SYTL3: variants seen among roughly 807,000 people sequenced by gnomAD.
The protein encoded by SYTL3 is synaptotagmin-like protein 3.
In SYTL3, 88 loss-of-function variants were observed where a neutral mutation model predicts 82.1. That is an observed-to-expected ratio of 1.07 (90% confidence interval 0.90 to 1.28). The LOEUF (loss-of-function observed/expected upper bound fraction) is 1.28. SYTL3 is among the 50% of genes most tolerant of loss of function. The pLI, the probability that SYTL3 is intolerant of heterozygous loss-of-function variation, is 0.00. For missense variants in SYTL3, 831 were observed against 757.6 expected (o/e 1.10, Z -1.14); for synonymous variants, 311 against 289.4 (o/e 1.07, Z -0.76).
intron 6 of SYTL3, among the ~76,000 whole-genome samples, chr6:158,691,798 C>T (rs1195833226): frequency 6.6e-6 from 1 of 151,004 alleles, no homozygotes; most frequent in African/African-American, 2.4e-5. Flanking sequence ...ACTACGGGCA[C>T]CTGTCACCAC....
intron 14 of SYTL3, among the ~76,000 whole-genome samples, chr6:158,758,492 G>A (rs1475312249): frequency 6.6e-6 from 1 of 151,346 alleles, no homozygotes; most frequent in Non-Finnish European, 1.5e-5. Context: ...AAGGGCCCAC[G>A]GCAGGCCCAG....
chr6:158,660,267 A>AAACAAC (rs201697599), intron 2 of SYTL3, among the ~76,000 whole-genome samples: 2 of 152,140 alleles, frequency 1.3e-5, no homozygotes. Context: ...TCCGTCTCAA[A>AAACAAC]AACAACAACA....
intron 13 of SYTL3, among the ~76,000 whole-genome samples, chr6:158,754,660 C>T (rs975164332): frequency 2.6e-5 from 4 of 152,250 alleles, no homozygotes; most frequent in Non-Finnish European, 4.4e-5. Flanking sequence ...GCGGAGCTTG[C>T]AGTGAGCTGA....
intron 6 of SYTL3, among the ~76,000 whole-genome samples, chr6:158,694,370 G>A (rs950673251): frequency 3.9e-4 from 59 of 151,178 alleles, no homozygotes; most frequent in African/African-American, 9.3e-4. Flanking sequence ...ATATTGGCTC[G>A]CTGCAACCTC....
At chr6:158,749,386 GTCTGA>G (rs1191059390) in intron 12 of SYTL3, among the ~76,000 whole-genome samples, 3 of 76,080 alleles carry the variant, frequency 3.9e-5, no homozygotes, top group Admixed American at 1.7e-4. Flanking sequence ...GTGAGACTCT[GTCTGA>G]AAAAAAAAAA....
At chr6:158,762,286 AT>A in intron 16 of SYTL3, 108 bp downstream of exon 16, 1 of 754,144 alleles carries the variant, frequency 1.3e-6, no homozygotes. Context: ...AAAACGTCTT[AT>A]TTTAGCTTTC....
intron 11 of SYTL3, among the ~76,000 whole-genome samples, chr6:158,730,769 G>C (rs190723795): frequency 2.0e-5 from 3 of 152,214 alleles, no homozygotes; most frequent in African/African-American, 7.2e-5. Context: ...GGAAAGAAAA[G>C]CTGCGGGGCG....
intron 16 of SYTL3, 98 bp downstream of exon 16, chr6:158,762,276 A>T (rs1402336416): frequency 4.8e-6 from 4 of 825,458 alleles, no homozygotes; most frequent in Non-Finnish European, 7.6e-6. Flanking sequence ...TAAGCCACTT[A>T]AAACGTCTTA....
rs934838119 is a variant in SYTL3, at chr6:158,665,630, G to A, written c.329+17G>A. 1.3e-6 allele frequency: 2 copies of A among 1,526,144 alleles called. No individual in the cohort carries two copies. Among genetic ancestry groups the A allele is most frequent in the Non-Finnish European group, 1.8e-6 (2 of 1,128,152 alleles). 94.5% of individuals were successfully genotyped at this position (1,526,144 alleles called of 1,614,324 possible). A position where few individuals can be genotyped will look rare whatever the true frequency, so the allele number is the denominator to read the frequency against. ...CGAGGACAGGTAAGCATGGCCGGTG[G>A]TTGGATCCCTCCCACTGATTCAGGT... On this transcript the variant is annotated intron_variant, in intron 5 of 17. Transcript: ENST00000611299.
chr6:158,692,689 G>A (rs1233852069), intron 6 of SYTL3, among the ~76,000 whole-genome samples: 1 of 151,302 alleles, frequency 6.6e-6, no homozygotes, highest in Non-Finnish European at 1.5e-5. Flanking sequence ...TGTAATCCCA[G>A]CACTTTGGGA....
chr6:158,703,290 G>T (rs1156462568), intron 6 of SYTL3, among the ~76,000 whole-genome samples: 2 of 152,038 alleles, frequency 1.3e-5, no homozygotes, highest in East Asian at 3.9e-4. Flanking sequence ...AGCCCTGGCA[G>T]CCTCAGACCT....
At chr6:158,673,134 TC>T (rs1055471295) in intron 5 of SYTL3, among the ~76,000 whole-genome samples, 7 of 152,110 alleles carry the variant, frequency 4.6e-5, no homozygotes, top group Admixed American at 1.3e-4. Flanking sequence ...TACTATGTTA[TC>T]CAGGCTGGTC....
At chr6:158,705,945 A>G (rs912992950) in intron 6 of SYTL3, among the ~76,000 whole-genome samples, 1 of 152,144 alleles carries the variant, frequency 6.6e-6, no homozygotes, top group Non-Finnish European at 1.5e-5. Flanking sequence ...TTCCATGGCC[A>G]GCACACTGCA....
chr6:158,677,705 CAAAAAAAAAAAAAAA>C (rs56865775), intron 5 of SYTL3, among the ~76,000 whole-genome samples: 1 of 68,116 alleles, frequency 1.5e-5, no homozygotes. Flanking sequence ...AACTCTGTCT[CAAAAAAAAAAAAAAA>C]AAAAAAAAAA....
intron 6 of SYTL3, among the ~76,000 whole-genome samples, chr6:158,687,410 T>C (rs990973681): frequency 6.6e-6 from 1 of 152,202 alleles, no homozygotes; most frequent in African/African-American, 2.4e-5. Flanking sequence ...ATATCTTTTA[T>C]GGTCTAGCTT....
intron 12 of SYTL3, among the ~76,000 whole-genome samples, chr6:158,747,376 GAGAC>G (rs1481784806): frequency 1.3e-5 from 2 of 151,800 alleles, no homozygotes; most frequent in South Asian, 2.1e-4. Flanking sequence ...TTTTTTTTAA[GAGAC>G]AGGGTCTTTC....
chr6:158,759,842 T>C (rs1386645166), intron 14 of SYTL3, among the ~76,000 whole-genome samples: 2 of 152,150 alleles, frequency 1.3e-5, no homozygotes, highest in African/African-American at 4.8e-5. Context: ...CAGGATGGCA[T>C]TGAATGCAAC....
In SYTL3 at chr6:158,673,765, CT is replaced by C. The variant is rs760041483; in HGVS notation, c.329+8154del. 2.7e-5 allele frequency among the ~76,000 whole-genome samples: 4 copies of C among 150,546 alleles called. No homozygotes were observed. In the South Asian group the frequency reaches 6.4e-4, roughly 24 times the overall value. On this transcript the variant is annotated intron_variant, in intron 5 of 17. Transcript: ENST00000611299. ...GAACAGCTTTGAAGGCATAAGTTGGCTTCCTTTTCTCTTTGTATTAATAATC... is the reference window on the plus strand; with the variant it reads ...GAACAGCTTTGAAGGCATAAGTTGGCTCCTTTTCTCTTTGTATTAATAATC...
intron 11 of SYTL3, among the ~76,000 whole-genome samples, chr6:158,730,877 G>A (rs1302533540): frequency 5.9e-5 from 9 of 152,150 alleles, no homozygotes; most frequent in Non-Finnish European, 1.0e-4. Flanking sequence ...GCCAGGGGGC[G>A]GGTCGGGGTG....
Sources: allele counts gnomAD v4.1 joint callset (sites outside exome capture counted in the v4.1 genomes callset), GRCh38; gene constraint gnomAD v4.1.1; transcripts MANE v1.5; gene names NCBI Gene and HGNC (gene_info 2026-07-23, HGNC 2026-07-21).